The following CDH12 variants were observed in gnomAD, a reference collection of about 807,000 sequenced individuals.
CDH12 encodes the protein cadherin 12.
Under a neutral mutation model 74.1 loss-of-function variants are expected in CDH12, and 41 were observed. That is an observed-to-expected ratio of 0.55 (90% confidence interval 0.43 to 0.72). CDH12 has a LOEUF of 0.72. CDH12 is among the 30% of genes least tolerant of loss of function. The pLI is 0.00. For missense variants in CDH12, 945 were observed against 977.2 expected, an observed-to-expected ratio of 0.97 and a Z score of 0.44; for synonymous variants, 399 against 355.0, an observed-to-expected ratio of 1.12 and a Z score of -1.39.
At chr5:22,574,240 T>A (rs988548583) in intron 1 of CDH12, among the ~76,000 whole-genome samples, 1 of 151,762 alleles carries the variant, frequency 6.6e-6, no homozygotes, top group Non-Finnish European at 1.5e-5. Context: ...CCACCACACC[T>A]GGCTAATTTT....
chr5:22,400,919 T>G (rs1445796924), intron 3 of CDH12, among the ~76,000 whole-genome samples: 1 of 152,158 alleles, frequency 6.6e-6, no homozygotes, highest in Non-Finnish European at 1.5e-5. Flanking sequence ...ACTTTGGGAA[T>G]GTAGGCTACG....
At chr5:22,586,966 C>A (rs1740436527) in intron 1 of CDH12, among the ~76,000 whole-genome samples, 1 of 150,964 alleles carries the variant, frequency 6.6e-6, no homozygotes, top group African/African-American at 2.4e-5. Context: ...CGTATCTCAG[C>A]CTTCCAAGTA....
intron 6 of CDH12, among the ~76,000 whole-genome samples, chr5:21,934,329 G>T (rs1160189519): frequency 1.3e-5 from 2 of 152,192 alleles, no homozygotes; most frequent in Admixed American, 1.3e-4. Context: ...TTGTTTAAAA[G>T]TGTGTGGCAA....
chr5:22,042,862 C>A (rs1739666681), intron 5 of CDH12, among the ~76,000 whole-genome samples: 1 of 140,484 alleles, frequency 7.1e-6, no homozygotes, highest in African/African-American at 2.7e-5. Flanking sequence ...CACACTCCAG[C>A]CTAGGTGACA....
intron 6 of CDH12, among the ~76,000 whole-genome samples, chr5:21,965,196 T>C (rs560159389): frequency 6.6e-6 from 1 of 152,202 alleles, no homozygotes; most frequent in Non-Finnish European, 1.5e-5. Flanking sequence ...GTGTATACTC[T>C]AATCTTATAG....
intron 3 of CDH12, among the ~76,000 whole-genome samples, chr5:22,264,602 T>C (rs984330836): frequency 2.0e-5 from 3 of 152,142 alleles, no homozygotes; most frequent in South Asian, 2.1e-4. Context: ...TGAGGAGATA[T>C]GATTGGGAAT....
rs375545227 is a variant in CDH12 at position 22,544,067 on chromosome 5, T to A, written c.-522-38703A>T. ...AATGCCAATACCAATGGAACAAAAA[T>A]GGGTTCATTTTTCCTTCATTCATCT... On this transcript the variant is annotated intron_variant, in intron 1 of 14. Transcript: ENST00000382254. Among the ~76,000 whole-genome samples, 4 of 152,084 alleles carry A rather than the reference T, an allele frequency of 2.6e-5. No individual in the cohort carries two copies. In the East Asian group the frequency reaches 7.7e-4, roughly 29 times the overall value.
At chr5:22,642,995 G>A (rs1228197063) in intron 1 of CDH12, among the ~76,000 whole-genome samples, 5 of 152,074 alleles carry the variant, frequency 3.3e-5, no homozygotes, top group Admixed American at 2.6e-4. Context: ...ATTCCCAGAG[G>A]TAATAATGAA....
At chr5:22,093,643 G>A (rs547097765) in intron 4 of CDH12, among the ~76,000 whole-genome samples, 24 of 152,204 alleles carry the variant, frequency 1.6e-4, no homozygotes, top group South Asian at 4.2e-4. Context: ...GATTGCCAAC[G>A]GGTTTGGGGT....
At chr5:21,932,545 A>G (rs1347601965) in intron 6 of CDH12, among the ~76,000 whole-genome samples, 2 of 152,154 alleles carry the variant, frequency 1.3e-5, no homozygotes, top group Non-Finnish European at 2.9e-5. Flanking sequence ...ATTTGTTTTC[A>G]CTGTCTTGTC....
intron 3 of CDH12, among the ~76,000 whole-genome samples, chr5:22,353,760 AT>A (rs887621802): frequency 1.3e-5 from 2 of 151,858 alleles, no homozygotes; most frequent in South Asian, 2.1e-4. Context: ...TCAATTTTTG[AT>A]TTTTTTTACA....
At chr5:22,144,283 C>A (rs1747013592) in intron 4 of CDH12, 2 of 152,038 alleles carry the variant, frequency 1.3e-5, no homozygotes, top group Admixed American at 1.3e-4. Context: ...AATATCATAT[C>A]TATTGGTTAC....
intron 4 of CDH12, among the ~76,000 whole-genome samples, chr5:22,184,129 G>A (rs928260555): frequency 6.6e-6 from 1 of 151,940 alleles, no homozygotes; most frequent in Non-Finnish European, 1.5e-5. Flanking sequence ...TTCTTAACTC[G>A]GTTTTTTTTG....
At chr5:22,010,864 C>T (rs1224051254) in intron 5 of CDH12, among the ~76,000 whole-genome samples, 1 of 152,090 alleles carries the variant, frequency 6.6e-6, no homozygotes, top group African/African-American at 2.4e-5. Context: ...TCCTGTAATG[C>T]TCTGATTCAG....
rs144687047 is a variant in CDH12, at chr5:22,675,870, C to CATATATAT, written c.-522-170514_-522-170507dup. Among the ~76,000 whole-genome samples the CATATATAT allele has an allele frequency of 2.8e-4, 26 of 92,156 alleles. 3 individuals carry two copies. Among genetic ancestry groups the CATATATAT allele is most frequent in the South Asian group, 1.5e-3 (4 of 2,598 alleles). The allele number at this position is 92,156 out of a possible 152,430, so 60.5% of individuals were successfully genotyped here. A position where few individuals can be genotyped will look rare whatever the true frequency, so the allele number is the denominator to read the frequency against. On this transcript the variant is annotated intron_variant, in intron 1 of 14. Coordinates refer to ENST00000382254, the MANE Select transcript of CDH12 (RefSeq NM_004061.5). ...TGTATATATTTATACTTTTGTATCT[C>CATATATAT]ATATATATATATATATACTTTTGTT...
At chr5:22,688,917 A>G (rs1741945250) in intron 1 of CDH12, among the ~76,000 whole-genome samples, 1 of 152,132 alleles carries the variant, frequency 6.6e-6, no homozygotes, top group Non-Finnish European at 1.5e-5. Context: ...AAAATGGCCA[A>G]TTAATGTTTA....
At position 22,529,369 on chromosome 5, in the gene CDH12, G is replaced by A. The variant is rs1482408245; in HGVS notation, c.-522-24005C>T. On this transcript the variant is annotated intron_variant, in intron 1 of 14. Transcript: ENST00000382254. Reference sequence around the variant, plus strand: ...CTGAGTCCTAAGCCCTGAGAATTGGGAGAGAAATGATGCAGTCTCAGCCTA... The same window carrying A: ...CTGAGTCCTAAGCCCTGAGAATTGGAAGAGAAATGATGCAGTCTCAGCCTA... 5.3e-5 allele frequency among the ~76,000 whole-genome samples: 8 copies of A among 151,970 alleles called. No homozygotes were observed. The East Asian group carries it at 1.6e-3, about 30-fold the overall frequency.
intron 1 of CDH12, among the ~76,000 whole-genome samples, chr5:22,624,871 T>C (rs903305585): frequency 6.6e-6 from 1 of 152,222 alleles, no homozygotes; most frequent in African/African-American, 2.4e-5. Flanking sequence ...GTATGTTTAT[T>C]GTGGCACTAT....
intron 4 of CDH12, among the ~76,000 whole-genome samples, chr5:22,082,129 T>C (rs1024531799): frequency 2.6e-5 from 4 of 152,206 alleles, no homozygotes; most frequent in African/African-American, 4.8e-5. Flanking sequence ...ACTGTAACTT[T>C]TGCAGTTTTG....
Sources: gnomAD v4.1 joint callset for allele counts (sites outside exome capture counted in the v4.1 genomes callset) on GRCh38, gnomAD v4.1.1 for gene constraint, MANE v1.5 for transcripts, NCBI Gene and HGNC (gene_info 2026-07-23, HGNC 2026-07-21) for gene names.